DDAH2: variants seen among roughly 807,000 people sequenced by gnomAD.
The protein encoded by DDAH2 is putative hydrolase DDAH2.
Under a neutral mutation model 24.8 loss-of-function variants are expected in DDAH2, and 8 were observed. That is an observed-to-expected ratio of 0.32 (90% CI 0.19 to 0.58). The LOEUF is 0.58. Ranked by LOEUF, DDAH2 falls within the 20% of genes least tolerant of loss-of-function variation. The pLI, the probability that DDAH2 is intolerant of heterozygous loss-of-function variation, is 0.87. For missense variants in DDAH2, 281 were observed against 379.0 expected (o/e 0.74, Z 2.15); for synonymous variants, 151 against 166.1 (o/e 0.91, Z 0.70).
chr6:31,727,746 C>T lies in DDAH2; in HGVS notation c.592-54G>A, dbSNP rs1395941957. 10 of 1,525,892 alleles carry T rather than the reference C, an allele frequency of 6.6e-6. No homozygotes were observed. In the East Asian group the frequency reaches 2.3e-4, roughly 35 times the overall value. 94.5% of individuals were successfully genotyped at this position (1,525,892 alleles called of 1,614,324 possible). ...CAGAACCTCTCCACAGCTGTGTCTG[C>T]CTGCTCAACCACCACTAAGGGCTGG... On this transcript the variant is annotated intron_variant, in intron 4 of 5. Coordinates refer to ENST00000375789, the MANE Select transcript of DDAH2 (RefSeq NM_001303007.2). This position sits in a 1 kb window ranked among gnomAD's most constrained non-coding sequence, Gnocchi z 6.0.
Position 31,728,143 on chromosome 6 carries a change from C to A in DDAH2, c.591+30G>T. On this transcript the variant is annotated intron_variant, in intron 4 of 5. Transcript: ENST00000375789. This position sits in a 1 kb window ranked among gnomAD's most constrained non-coding sequence, Gnocchi z 9.8. ...CGGCCTCCCGGGCCCAGAACTGCGC[C>A]CACTTTCGTTGGCCCCGCCCCCTCC... 6.2e-7 allele frequency: 1 copy of A among 1,608,080 alleles called. No homozygotes were observed. The highest frequency in any genetic ancestry group is 8.5e-7 in the Non-Finnish European group (1 of 1,179,452).
chr6:31,729,083 C>T lies in DDAH2; in HGVS notation c.79G>A (p.Glu27Lys), dbSNP rs748642109. ...GCGGGAAGGCCAGCCCCCGCACCTT[C>T]CCCCGACGCCAGGCTCTCTGGGACT... is the stretch of plus-strand genomic sequence containing the variant. ...RGVPESLASG[E>K]GAGAGLPALD... is the part of the protein sequence containing the mutation. The change falls in exon 1 of 6, where the codon GAA becomes AAA. Residue 27 changes from glutamate (E) to lysine (K), a missense_variant. Glu to Lys is a moderately conservative substitution (Grantham distance 56). Transcript: ENST00000375789. The surrounding 1 kb of genome is among the most constrained non-coding windows in gnomAD (Gnocchi z 6.7). 3.1e-6 allele frequency: 5 copies of T among 1,612,922 alleles called. No individual in the cohort carries two copies. In the Admixed American group the frequency reaches 5.0e-5, roughly 16 times the overall value.
At position 31,728,192 on chromosome 6, in the gene DDAH2, G is replaced by C; in HGVS notation, c.572C>G (p.Ala191Gly). 6.2e-7 allele frequency: 1 copy of C among 1,612,230 alleles called. No individual in the cohort carries two copies. Among genetic ancestry groups the C allele is most frequent in the Non-Finnish European group, 8.5e-7 (1 of 1,179,914 alleles). Residue 191 changes from alanine (A) to glycine (G), a missense_variant, in exon 4 of 6, where the codon GCT becomes GGT. Coordinates refer to ENST00000375789, the MANE Select transcript of DDAH2 (RefSeq NM_001303007.2). The surrounding 1 kb of genome is among the most constrained non-coding windows in gnomAD (Gnocchi z 9.8). Reference protein sequence around the residue: ...PRTVVAGSSDAAQKAVRAMAV... With the variant: ...PRTVVAGSSDGAQKAVRAMAV... ...CCTCACCCGGACAGCCTTTTGGGCA[G>C]CGTCGCTGCTGCCTGCCACAACAGT... is the stretch of plus-strand genomic sequence containing the variant.
chr6:31,727,769 T>TG lies in DDAH2; in HGVS notation c.592-78dup. ...TGCCTGCTCAACCACCACTAAGGGC[T>TG]GGGGACGGACTGACATTTGTGGAAA... On this transcript the variant is annotated intron_variant, in intron 4 of 5. Transcript: ENST00000375789. This position sits in a 1 kb window ranked among gnomAD's most constrained non-coding sequence, Gnocchi z 6.0. 2.7e-6 allele frequency: 4 copies of TG among 1,471,708 alleles called. No individual in the cohort carries two copies. Among genetic ancestry groups the TG allele is most frequent in the Non-Finnish European group, 3.7e-6 (4 of 1,093,058 alleles). The allele number at this position is 1,471,708 out of a possible 1,614,324, so 91.2% of individuals were successfully genotyped here. A position where few individuals can be genotyped will look rare whatever the true frequency, so the allele number is the denominator to read the frequency against.
chr6:31,728,564 A>C lies in DDAH2; in HGVS notation c.398-40T>G. ...CCGCGGAGGTTTGAGGGCGGGAGTG[A>C]GTTAGAAACAAGGCTCCAGACGGCC... On this transcript the variant is annotated intron_variant, in intron 2 of 5. Coordinates refer to ENST00000375789, the MANE Select transcript of DDAH2 (RefSeq NM_001303007.2). This position sits in a 1 kb window ranked among gnomAD's most constrained non-coding sequence, Gnocchi z 9.8. The C allele has an allele frequency of 6.2e-7, 1 of 1,612,074 alleles. No homozygotes were observed. The highest frequency in any genetic ancestry group is 2.2e-5 in the East Asian group (1 of 44,838).
Position 31,728,028 on chromosome 6 carries a change from A to G in DDAH2, c.591+145T>C, listed in dbSNP as rs578123062. The G allele has an allele frequency of 3.3e-5, 35 of 1,069,214 alleles. No individual in the cohort carries two copies. In the African/African-American group the frequency reaches 5.1e-4, roughly 16 times the overall value. 66.2% of individuals were successfully genotyped at this position (1,069,214 alleles called of 1,614,324 possible). A position where few individuals can be genotyped will look rare whatever the true frequency, so the allele number is the denominator to read the frequency against. On this transcript the variant is annotated intron_variant, in intron 4 of 5. Coordinates refer to ENST00000375789, the MANE Select transcript of DDAH2 (RefSeq NM_001303007.2). The surrounding 1 kb of genome is among the most constrained non-coding windows in gnomAD (Gnocchi z 9.8). ...CCCTGTTCCCAGTCCTGCTGTTGTA[A>G]CTTCTTATTTTCTCCTGTGTTCTTT...
At position 31,727,813 on chromosome 6, in the gene DDAH2, T is replaced by G. The variant is rs28366162; in HGVS notation, c.592-121A>C. 5 of 1,127,158 alleles carry G rather than the reference T, an allele frequency of 4.4e-6. No individual in the cohort carries two copies. The highest frequency in any genetic ancestry group is 6.3e-6 in the Non-Finnish European group (5 of 792,850). 69.8% of individuals were successfully genotyped at this position (1,127,158 alleles called of 1,614,324 possible). On this transcript the variant is annotated intron_variant, in intron 4 of 5. Coordinates refer to ENST00000375789, the MANE Select transcript of DDAH2 (RefSeq NM_001303007.2). This position sits in a 1 kb window ranked among gnomAD's most constrained non-coding sequence, Gnocchi z 6.0. ...GTGGAAAATAATGACAGCAAGCACATAGAGCTTACGATATGTCAGACACTA... is the reference window on the plus strand; with the variant it reads ...GTGGAAAATAATGACAGCAAGCACAGAGAGCTTACGATATGTCAGACACTA...
chr6:31,728,075 T>C lies in DDAH2; in HGVS notation c.591+98A>G. 7.0e-7 allele frequency: 1 copy of C among 1,419,450 alleles called. No individual in the cohort carries two copies. The highest frequency in any genetic ancestry group is 9.6e-7 in the Non-Finnish European group (1 of 1,040,804). 87.9% of individuals were successfully genotyped at this position (1,419,450 alleles called of 1,614,324 possible). On this transcript the variant is annotated intron_variant, in intron 4 of 5. Coordinates refer to ENST00000375789, the MANE Select transcript of DDAH2 (RefSeq NM_001303007.2). This position sits in a 1 kb window ranked among gnomAD's most constrained non-coding sequence, Gnocchi z 9.8. Reference sequence around the variant, plus strand: ...CTTTCATGTAAGATGGACAGCCCATTGAGGGCAGGGGTTAGGGCTAATTTC... The same window carrying C: ...CTTTCATGTAAGATGGACAGCCCATCGAGGGCAGGGGTTAGGGCTAATTTC...
At position 31,727,822 on chromosome 6, in the gene DDAH2, C is replaced by T. The variant is rs181030183; in HGVS notation, c.592-130G>A. On this transcript the variant is annotated intron_variant, in intron 4 of 5. Transcript: ENST00000375789. The surrounding 1 kb of genome is among the most constrained non-coding windows in gnomAD (Gnocchi z 6.0). ...AATGACAGCAAGCACATAGAGCTTACGATATGTCAGACACTAAGTACTTTA... is the reference window on the plus strand; with the variant it reads ...AATGACAGCAAGCACATAGAGCTTATGATATGTCAGACACTAAGTACTTTA... 6.6e-4 allele frequency: 692 copies of T among 1,050,820 alleles called. 1 individual carries two copies. The highest frequency in any genetic ancestry group is 1.4e-3 in the Admixed American group (54 of 37,276). 65.1% of individuals were successfully genotyped at this position (1,050,820 alleles called of 1,614,324 possible).
At chr6:31,729,373 G>A, upstream of DDAH2, 3 of 589,532 alleles carry the variant, frequency 5.1e-6, no homozygotes, top group East Asian at 8.4e-5. This position sits in a 1 kb window ranked among gnomAD's most constrained non-coding sequence, Gnocchi z 6.7. Context: ...TTCCGCTCCT[G>A]TCGACCTCAC....
At chr6:31,729,565 T>G, upstream of DDAH2, 1 of 225,870 alleles carries the variant, frequency 4.4e-6, no homozygotes, top group Non-Finnish European at 8.8e-6. This position sits in a 1 kb window ranked among gnomAD's most constrained non-coding sequence, Gnocchi z 6.7. Context: ...CCCGCCCCCT[T>G]AACCCTCAGC....
Position 31,727,745 on chromosome 6 carries a change from G to A in DDAH2, c.592-53C>T. On this transcript the variant is annotated intron_variant, in intron 4 of 5. Transcript: ENST00000375789. The surrounding 1 kb of genome is among the most constrained non-coding windows in gnomAD (Gnocchi z 6.0). ...TCAGAACCTCTCCACAGCTGTGTCT[G>A]CCTGCTCAACCACCACTAAGGGCTG... 1 of 1,529,252 alleles carries A rather than the reference G, an allele frequency of 6.5e-7. No homozygotes were observed. Among genetic ancestry groups the A allele is most frequent in the Non-Finnish European group, 8.8e-7 (1 of 1,137,478 alleles). 94.7% of individuals were successfully genotyped at this position (1,529,252 alleles called of 1,614,324 possible). A position where few individuals can be genotyped will look rare whatever the true frequency, so the allele number is the denominator to read the frequency against.
chr6:31,727,781 G>A lies in DDAH2; in HGVS notation c.592-89C>T. 7.1e-7 allele frequency: 1 copy of A among 1,398,864 alleles called. No individual in the cohort carries two copies. 86.7% of individuals were successfully genotyped at this position (1,398,864 alleles called of 1,614,324 possible). The stretch of plus-strand genomic sequence containing the variant: ...CACCACTAAGGGCTGGGGACGGACT[G>A]ACATTTGTGGAAAATAATGACAGCA... On this transcript the variant is annotated intron_variant, in intron 4 of 5. Transcript: ENST00000375789. This position sits in a 1 kb window ranked among gnomAD's most constrained non-coding sequence, Gnocchi z 6.0.
Position 31,728,705 on chromosome 6 carries a change from C to T in DDAH2, c.338G>A (p.Arg113Gln). 1.9e-6 allele frequency: 3 copies of T among 1,613,030 alleles called. No individual in the cohort carries two copies. The highest frequency in any genetic ancestry group is 2.5e-6 in the Non-Finnish European group (3 of 1,180,012). The change falls in exon 2 of 6, where the codon CGA becomes CAA. Residue 113 changes from arginine to glutamine, a missense_variant. Arg to Gln is a conservative substitution (Grantham distance 43). Coordinates refer to ENST00000375789, the MANE Select transcript of DDAH2 (RefSeq NM_001303007.2). The surrounding 1 kb of genome is among the most constrained non-coding windows in gnomAD (Gnocchi z 9.8). ...GTTCTCGTCTCCTATTTCCACAATT[C>T]GGAGCCCCAGGTCTTGCAGGGCTTT... ...VRKALQDLGL[R>Q]IVEIGDENAT...
rs1047718950 is a variant in DDAH2, at chr6:31,728,483, G to A, written c.439C>T (p.Arg147Ter). The A allele has an allele frequency of 1.2e-6, 2 of 1,612,702 alleles. No homozygotes were observed. Among genetic ancestry groups the A allele is most frequent in the Admixed American group, 3.3e-5 (2 of 59,996 alleles). ...FVGLSKWTNH[R>*]GAEIVADTFR... ...GTGTCCGCCACGATCTCAGCTCCTC[G>A]GTGATTGGTCCATTTGGAGAGGCCT... is the stretch of plus-strand genomic sequence containing the variant. The change falls in exon 3 of 6, where the codon CGA (arginine) becomes TGA (stop). Residue 147 changes from arginine (R) to a stop codon, truncating the protein, a stop_gained. Transcript: ENST00000375789. LOFTEE classifies it high-confidence loss of function. This position sits in a 1 kb window ranked among gnomAD's most constrained non-coding sequence, Gnocchi z 9.8.
Position 31,727,811 on chromosome 6 carries a change from C to T in DDAH2, c.592-119G>A, listed in dbSNP as rs1807497005. The T allele has an allele frequency of 5.2e-6, 6 of 1,160,208 alleles. No homozygotes were observed. The highest frequency in any genetic ancestry group is 4.9e-6 in the Non-Finnish European group (4 of 821,420). 71.9% of individuals were successfully genotyped at this position (1,160,208 alleles called of 1,614,324 possible). On this transcript the variant is annotated intron_variant, in intron 4 of 5. Coordinates refer to ENST00000375789, the MANE Select transcript of DDAH2 (RefSeq NM_001303007.2). This position sits in a 1 kb window ranked among gnomAD's most constrained non-coding sequence, Gnocchi z 6.0. The stretch of plus-strand genomic sequence containing the variant: ...TTGTGGAAAATAATGACAGCAAGCA[C>T]ATAGAGCTTACGATATGTCAGACAC...
chr6:31,727,832 G>A lies in DDAH2; in HGVS notation c.592-140C>T, dbSNP rs1358808731. The A allele has an allele frequency of 6.2e-6, 6 of 969,048 alleles. No homozygotes were observed. The highest frequency in any genetic ancestry group is 9.1e-6 in the Non-Finnish European group (6 of 659,494). 60.0% of individuals were successfully genotyped at this position (969,048 alleles called of 1,614,324 possible). On this transcript the variant is annotated intron_variant, in intron 4 of 5. Transcript: ENST00000375789. The surrounding 1 kb of genome is among the most constrained non-coding windows in gnomAD (Gnocchi z 6.0). ...AGCACATAGAGCTTACGATATGTCA[G>A]ACACTAAGTACTTTAGTTACCTTTG...
At position 31,729,191 on chromosome 6, in the gene DDAH2, C is replaced by A; in HGVS notation, c.-30G>T. 2 of 1,508,530 alleles carry A rather than the reference C, an allele frequency of 1.3e-6. No individual in the cohort carries two copies. The highest frequency in any genetic ancestry group is 1.8e-6 in the Non-Finnish European group (2 of 1,111,622). 93.4% of individuals were successfully genotyped at this position (1,508,530 alleles called of 1,614,324 possible). Reference sequence around the variant, plus strand: ...TCCACACAGACTCCCCCTCCAACCGCTCGGATTTCTTAGTTTTCTTGTTTC... The same window carrying A: ...TCCACACAGACTCCCCCTCCAACCGATCGGATTTCTTAGTTTTCTTGTTTC... On this transcript the variant is annotated 5_prime_UTR_variant, in exon 1 of 6. Coordinates refer to ENST00000375789, the MANE Select transcript of DDAH2 (RefSeq NM_001303007.2). This position sits in a 1 kb window ranked among gnomAD's most constrained non-coding sequence, Gnocchi z 6.7.
In DDAH2 at chr6:31,729,287, G is replaced by T. The variant is rs909262756; in HGVS notation, c.-126C>A. On this transcript the variant is annotated 5_prime_UTR_variant, in exon 1 of 6. Transcript: ENST00000375789. This position sits in a 1 kb window ranked among gnomAD's most constrained non-coding sequence, Gnocchi z 6.7. ...AAGACATGCAGACAAGGGCGTTGGG[G>T]GTGGTTAAGAGCGCCCAGGTCTTCC... 5.6e-6 allele frequency: 5 copies of T among 889,046 alleles called. No individual in the cohort carries two copies. The highest frequency in any genetic ancestry group is 2.6e-5 in the Admixed American group (1 of 38,442). 55.1% of individuals were successfully genotyped at this position (889,046 alleles called of 1,614,324 possible). A position where few individuals can be genotyped will look rare whatever the true frequency, so the allele number is the denominator to read the frequency against.
Sources: gnomAD v4.1 joint callset for allele counts on GRCh38, gnomAD v4.1.1 for gene constraint, Gnocchi (gnomAD v3.1) non-coding constraint, MANE v1.5 for transcripts, NCBI Gene and HGNC (gene_info 2026-07-23, HGNC 2026-07-21) for gene names.